Variants in IRAG2 observed in about 807,000 individuals in gnomAD.
The protein encoded by IRAG2 is inositol 1,4,5-triphosphate receptor associated 2, also known as lymphoid restricted membrane protein.
A neutral mutation model predicts 69.9 loss-of-function variants in IRAG2; 45 were observed. The ratio of observed to expected loss-of-function variants is 0.64; its 90% CI spans 0.51 to 0.83. The LOEUF (loss-of-function observed/expected upper bound fraction) is 0.83, where lower values mean the gene tolerates loss of function less well. Ranked by LOEUF, IRAG2 falls within the 40% of genes least tolerant of loss-of-function variation. IRAG2 has a pLI of 0.00. For missense variants in IRAG2, 520 were observed against 587.0 expected (o/e 0.89, Z 1.18); for synonymous variants, 193 against 202.4 (o/e 0.95, Z 0.40).
At chr12:25,055,509 C>T (rs1945184764) in intron 1 of IRAG2, among the ~76,000 whole-genome samples, 1 of 152,082 alleles carries the variant, frequency 6.6e-6, no homozygotes, top group Non-Finnish European at 1.5e-5. Flanking sequence ...GTACAACGTG[C>T]AGGTTTGTTA....
chr12:25,023,140 A>AAAAAG (rs1944596088), intron 7 of IRAG2, among the ~76,000 whole-genome samples: 1 of 151,858 alleles, frequency 6.6e-6, no homozygotes, highest in Non-Finnish European at 1.5e-5. Flanking sequence ...AAAAAAAAAA[A>AAAAAG]AAAAAGAAAA....
chr12:25,053,065 T>C (rs938521170), intron 1 of IRAG2, 109 bp downstream of exon 1: 12 of 396,608 alleles, frequency 3.0e-5, no homozygotes, highest in African/African-American at 4.1e-5. Context: ...CCTGAGTTTA[T>C]GACAATGAAA....
upstream of IRAG2, among the ~76,000 whole-genome samples, chr12:25,051,495 A>G (rs971406473): frequency 2.0e-5 from 3 of 152,240 alleles, no homozygotes; most frequent in South Asian, 2.1e-4. Context: ...CCAGATAATC[A>G]TTGAGGTACT....
At chr12:25,038,221 T>G (rs1201096134) in intron 16 of IRAG2, 2 of 397,044 alleles carry the variant, frequency 5.0e-6, no homozygotes, top group African/African-American at 2.1e-5. Context: ...GTTTACTTTC[T>G]GCAAGTTGTA....
intron 13 of IRAG2, 41 bp downstream of exon 13, chr12:25,089,831 T>G (rs759243417): frequency 1.9e-6 from 3 of 1,598,276 alleles, no homozygotes; most frequent in Non-Finnish European, 2.6e-6. Context: ...AAAAAAGTGT[T>G]CCAGACTCAC....
intron 15 of IRAG2, among the ~76,000 whole-genome samples, chr12:25,100,023 A>AAAAAAAAAAAAAAAAC (rs1948663807): frequency 7.0e-6 from 1 of 142,700 alleles, no homozygotes; most frequent in African/African-American, 2.5e-5. Context: ...AAAAAAAAAA[A>AAAAAAAAAAAAAAAAC]AATGGGCAAA....
intron 20 of IRAG2, 127 bp from the exon 21 acceptor site, chr12:25,106,816 G>A (rs17386824): frequency 0.19 from 71,078 of 368,388 alleles, 7,086 homozygotes; most frequent in Middle Eastern, 0.24. Flanking sequence ...GATATTTATC[G>A]ACTTTCCCTA....
chr12:25,017,828 T>C (rs1944543743), intron 6 of IRAG2, among the ~76,000 whole-genome samples: 2 of 152,162 alleles, frequency 1.3e-5, no homozygotes, highest in Non-Finnish European at 2.9e-5. Context: ...ACTCCATACT[T>C]ACCAGCAGGC....
upstream of IRAG2, among the ~76,000 whole-genome samples, chr12:25,052,021 A>G (rs1944885944): frequency 6.6e-6 from 1 of 152,204 alleles, no homozygotes; most frequent in South Asian, 2.1e-4. Context: ...TTATCTGTAA[A>G]GTGAGGGTGT....
upstream of IRAG2, chr12:25,052,423 G>A (rs1944903052): frequency 2.5e-6 from 1 of 397,344 alleles, no homozygotes; most frequent in East Asian, 3.6e-5. Context: ...AAATAAAAAT[G>A]GAGGAGGAAC....
upstream of IRAG2, among the ~76,000 whole-genome samples, chr12:25,003,679 G>T (rs1436486987): frequency 6.6e-6 from 1 of 152,070 alleles, no homozygotes; most frequent in Non-Finnish European, 1.5e-5. Flanking sequence ...CTTAGAGATG[G>T]GACCATTAGC....
intron 6 of IRAG2, chr12:25,075,838 ATTCTTT>A (rs1012941016): frequency 3.3e-5 from 5 of 151,684 alleles, no homozygotes; most frequent in Admixed American, 1.3e-4. Context: ...TCTTTTTCTT[ATTCTTT>A]ATTTTCCTTG....
At chr12:25,061,158 C>T (rs1374459024) in intron 1 of IRAG2, among the ~76,000 whole-genome samples, 2 of 152,102 alleles carry the variant, frequency 1.3e-5, no homozygotes, top group African/African-American at 4.8e-5. Context: ...TTTCCCTTTC[C>T]TTTTCTTGAG....
chr12:25,085,865 T>C (rs956465101), intron 10 of IRAG2, among the ~76,000 whole-genome samples: 1 of 151,452 alleles, frequency 6.6e-6, no homozygotes, highest in African/African-American at 2.5e-5. Context: ...GTGTGTTCAG[T>C]ACAGATACAA....
At chr12:25,103,608 G>A in intron 17 of IRAG2, 1 of 488,280 alleles carries the variant, frequency 2.0e-6, no homozygotes, top group Non-Finnish European at 3.6e-6. Flanking sequence ...TTGTATATTT[G>A]TTAGATTGGC....
At position 25,107,936 on chromosome 12, in the gene IRAG2, C is replaced by G. The variant is rs866654633; in HGVS notation, c.1376C>G (p.Thr459Arg). Residue 459 changes from threonine to arginine, a missense_variant, in exon 22 of 22, where the codon ACA becomes AGA. Thr to Arg is a moderately conservative substitution (Grantham distance 71). Transcript: ENST00000556887. ...VLFAALMSFL[T>R]GQLFQKSVDA... ...TTTGCAGCTTTGATGAGCTTCCTCA[C>G]AGGCCAATTATTCCAGAAGTCTGTG... The G allele has an allele frequency of 1.2e-6, 2 of 1,614,204 alleles. No homozygotes were observed. The highest frequency in any genetic ancestry group is 1.7e-5 in the Admixed American group (1 of 60,018).
chr12:25,079,825 T>C (rs1947075069), intron 9 of IRAG2, 62 bp downstream of exon 9: 2 of 1,028,396 alleles, frequency 1.9e-6, no homozygotes, highest in South Asian at 1.3e-5. Flanking sequence ...GTCTATAAGC[T>C]AGTGAAGTAA....
intron 6 of IRAG2, among the ~76,000 whole-genome samples, chr12:25,019,543 TCTC>T (rs1020161576): frequency 3.3e-5 from 5 of 152,186 alleles, no homozygotes; most frequent in Non-Finnish European, 5.9e-5. Context: ...AGCTGCCTCT[TCTC>T]CTCTTGATGT....
At chr12:25,042,505 C>A (rs150754991) in intron 16 of IRAG2, among the ~76,000 whole-genome samples, 1 of 152,094 alleles carries the variant, frequency 6.6e-6, no homozygotes, top group East Asian at 1.9e-4. Flanking sequence ...CTCGCTCTGT[C>A]GCCAGGGTGG....
Sources: gnomAD v4.1 joint callset for allele counts (sites outside exome capture counted in the v4.1 genomes callset) on GRCh38, gnomAD v4.1.1 for gene constraint, MANE v1.5 for transcripts, NCBI Gene and HGNC (gene_info 2026-07-23, HGNC 2026-07-21) for gene names.